The following CLSTN2 variants were observed in gnomAD, a reference collection of about 807,000 sequenced individuals.
CLSTN2 encodes the protein calsyntenin 2, also known as calsyntenin-2.
CLSTN2 carries 48 observed loss-of-function variants against 101.2 expected under a neutral mutation model. The ratio of observed to expected loss-of-function variants is 0.47; its 90% CI spans 0.38 to 0.60. The LOEUF is 0.60. CLSTN2 is among the 20% of genes least tolerant of loss of function. The pLI, the probability that CLSTN2 is intolerant of heterozygous loss-of-function variation, is 0.00. For synonymous variants in CLSTN2, 481 were observed against 463.6 expected (o/e 1.04, Z -0.48); for missense variants, 1,160 against 1,238.2 (o/e 0.94, Z 0.95).
intron 2 of CLSTN2, among the ~76,000 whole-genome samples, chr3:140,305,054 A>ACTCT (rs1165522955): frequency 1.8e-4 from 21 of 118,136 alleles, no homozygotes; most frequent in African/African-American, 6.8e-4. Flanking sequence ...ACACACACAC[A>ACTCT]CTCTCTCTCT....
intron 2 of CLSTN2, among the ~76,000 whole-genome samples, chr3:140,321,331 C>T (rs2087281384): frequency 6.6e-6 from 1 of 152,192 alleles, no homozygotes; most frequent in Non-Finnish European, 1.5e-5. Context: ...ACACCTTCAG[C>T]ACCACCTTTG....
chr3:139,992,187 G>A (rs1936126784), intron 1 of CLSTN2, among the ~76,000 whole-genome samples: 1 of 152,130 alleles, frequency 6.6e-6, no homozygotes, highest in Admixed American at 6.5e-5. Flanking sequence ...TGTGGAGAGG[G>A]CAATTTATGA....
At chr3:140,449,842 C>A (rs1158663244) in intron 6 of CLSTN2, 1 of 152,156 alleles carries the variant, frequency 6.6e-6, no homozygotes, top group Non-Finnish European at 1.5e-5. Context: ...TAGTCACTGC[C>A]CCAGGTAACA....
intron 8 of CLSTN2, among the ~76,000 whole-genome samples, chr3:140,496,932 C>G (rs892228284): frequency 1.3e-5 from 2 of 152,004 alleles, no homozygotes; most frequent in African/African-American, 2.4e-5. Flanking sequence ...GAAACCCTGT[C>G]TCTACTAAAA....
intron 2 of CLSTN2, among the ~76,000 whole-genome samples, chr3:140,241,904 C>CACAT (rs1334638482): frequency 2.5e-4 from 37 of 147,380 alleles, no homozygotes; most frequent in African/African-American, 8.5e-4. Context: ...CACACACACA[C>CACAT]ATATATATAT....
At chr3:139,939,242 G>C (rs67271705) in intron 1 of CLSTN2, among the ~76,000 whole-genome samples, 1 of 152,054 alleles carries the variant, frequency 6.6e-6, no homozygotes, top group African/African-American at 2.4e-5. Context: ...TATGTCACAG[G>C]CACTGTTGCT....
chr3:140,249,810 G>T (rs568005589), intron 2 of CLSTN2, among the ~76,000 whole-genome samples: 1 of 152,300 alleles, frequency 6.6e-6, no homozygotes, highest in Non-Finnish European at 1.5e-5. Context: ...AAGAGAACTT[G>T]ACAGTGCAGG....
chr3:139,969,984 T>C (rs1348361269), intron 1 of CLSTN2, among the ~76,000 whole-genome samples: 2 of 152,144 alleles, frequency 1.3e-5, no homozygotes, highest in African/African-American at 4.8e-5. Context: ...TTTGGAGTCA[T>C]AAAACTGGGC....
At chr3:140,311,597 C>T (rs972052291) in intron 2 of CLSTN2, among the ~76,000 whole-genome samples, 17 of 151,622 alleles carry the variant, frequency 1.1e-4, no homozygotes, top group East Asian at 3.9e-4. Context: ...TGAGCCACCG[C>T]GCCCGGCCAG....
intron 1 of CLSTN2, among the ~76,000 whole-genome samples, chr3:140,082,236 A>C (rs776105226): frequency 3.9e-5 from 6 of 152,086 alleles, no homozygotes; most frequent in Non-Finnish European, 7.4e-5. Context: ...AAGTTATTTG[A>C]CTACTGGGGG....
intron 1 of CLSTN2, among the ~76,000 whole-genome samples, chr3:140,034,655 G>A (rs970929426): frequency 6.6e-6 from 1 of 152,232 alleles, no homozygotes; most frequent in Non-Finnish European, 1.5e-5. Flanking sequence ...AGCCTCCAAA[G>A]CTCTGGGAGA....
In CLSTN2 at chr3:140,558,752, C is replaced by A. The variant is rs1487941483; in HGVS notation, c.1936C>A (p.Pro646Thr). ...TLRGTDHFWR[P>T]AAQFESARGV... is the part of the protein sequence containing the mutation. ...CCGGGGCACAGACCACTTCTGGAGACCTGCTGCCCAGTTTGAAAGTGCCAG... is the reference window on the plus strand; with the variant it reads ...CCGGGGCACAGACCACTTCTGGAGAACTGCTGCCCAGTTTGAAAGTGCCAG... Residue 646 changes from proline (P) to threonine (T), a missense_variant, in exon 12 of 17, where the codon CCT (proline) becomes ACT (threonine). Physicochemically the swap from Pro to Thr is conservative, Grantham distance 38. Coordinates refer to ENST00000458420, the MANE Select transcript of CLSTN2 (RefSeq NM_022131.3). 1.2e-6 allele frequency: 2 copies of A among 1,614,082 alleles called. No homozygotes were observed. Among genetic ancestry groups the A allele is most frequent in the African/African-American group, 2.7e-5 (2 of 75,014 alleles).
In CLSTN2 at chr3:140,478,156, T is replaced by C. The variant is rs9825377; in HGVS notation, c.1344+11425T>C. Among the ~76,000 whole-genome samples the C allele has an allele frequency of 4.7e-3, 716 of 152,340 alleles. 4 individuals carry two copies. Among genetic ancestry groups the C allele is most frequent in the Non-Finnish European group, 7.3e-3 (497 of 68,026 alleles). Reference sequence around the variant, plus strand: ...GGACTATCACGTCTTGTTCACCTTTTTAATTTTTAGGAGTTTCTAACACAA... The same window carrying C: ...GGACTATCACGTCTTGTTCACCTTTCTAATTTTTAGGAGTTTCTAACACAA... On this transcript the variant is annotated intron_variant, in intron 8 of 16. Transcript: ENST00000458420.
intron 8 of CLSTN2, among the ~76,000 whole-genome samples, chr3:140,503,752 C>T (rs1934628357): frequency 6.6e-6 from 1 of 152,090 alleles, no homozygotes; most frequent in Non-Finnish European, 1.5e-5. Flanking sequence ...AATTATTATC[C>T]AACAGTTAAA....
intron 1 of CLSTN2, among the ~76,000 whole-genome samples, chr3:139,975,396 C>T (rs1315097446): frequency 6.6e-6 from 1 of 152,158 alleles, no homozygotes; most frequent in Non-Finnish European, 1.5e-5. Context: ...CTCACAGACC[C>T]ACTGTCTCCG....
chr3:140,310,083 C>T (rs1389438010), intron 2 of CLSTN2, among the ~76,000 whole-genome samples: 4 of 152,092 alleles, frequency 2.6e-5, no homozygotes, highest in African/African-American at 7.2e-5. Context: ...TCCTCCATCT[C>T]CTCCTTTTAA....
intron 8 of CLSTN2, among the ~76,000 whole-genome samples, chr3:140,491,237 C>T (rs956448307): frequency 6.6e-6 from 1 of 152,208 alleles, no homozygotes; most frequent in African/African-American, 2.4e-5. Flanking sequence ...AAAACCACCA[C>T]TGCCTTGCTA....
intron 1 of CLSTN2, among the ~76,000 whole-genome samples, chr3:140,018,392 G>A (rs1338246096): frequency 6.6e-6 from 1 of 152,142 alleles, no homozygotes; most frequent in South Asian, 2.1e-4. Context: ...GCTTGAGCAC[G>A]GGGGTTGGCT....
At position 140,558,741 on chromosome 3, in the gene CLSTN2, A is replaced by T; in HGVS notation, c.1925A>T (p.His642Leu). The stretch of plus-strand genomic sequence containing the variant: ...CGGATCACCCTCCGGGGCACAGACC[A>T]CTTCTGGAGACCTGCTGCCCAGTTT... Reference protein sequence around the residue: ...EPRITLRGTDHFWRPAAQFES... With the variant: ...EPRITLRGTDLFWRPAAQFES... Residue 642 changes from histidine to leucine, a missense_variant, in exon 12 of 17, where the codon CAC (histidine) becomes CTC (leucine). Transcript: ENST00000458420. 1 of 1,613,970 alleles carries T rather than the reference A, an allele frequency of 6.2e-7. No individual in the cohort carries two copies. The highest frequency in any genetic ancestry group is 8.5e-7 in the Non-Finnish European group (1 of 1,179,962).
Sources: allele counts gnomAD v4.1 joint callset (sites outside exome capture counted in the v4.1 genomes callset), GRCh38; gene constraint gnomAD v4.1.1; transcripts MANE v1.5; gene names NCBI Gene and HGNC (gene_info 2026-07-23, HGNC 2026-07-21).